FAM83B: variants seen among roughly 807,000 people sequenced by gnomAD.
FAM83B encodes the protein protein FAM83B.
Under a neutral mutation model 38.8 loss-of-function variants are expected in FAM83B, and 26 were observed. The observed-to-expected ratio is 0.67, with a 90% CI of 0.49 to 0.93. The LOEUF is 0.93. FAM83B is among the 40% of genes least tolerant of loss of function. The pLI is 0.00. For synonymous variants in FAM83B, 419 were observed against 423.1 expected (o/e 0.99, Z 0.12); for missense variants, 1,237 against 1,197.3 (o/e 1.03, Z -0.49).
At chr6:54,871,339 A>G (rs1159500505) in intron 2 of FAM83B, among the ~76,000 whole-genome samples, 1 of 151,974 alleles carries the variant, frequency 6.6e-6, no homozygotes, top group Non-Finnish European at 1.5e-5. Context: ...AACAAAAGTT[A>G]TTAAGAGTTT....
At chr6:54,907,097 T>C (rs1772791619) in intron 2 of FAM83B, among the ~76,000 whole-genome samples, 2 of 152,322 alleles carry the variant, frequency 1.3e-5, no homozygotes, top group South Asian at 4.1e-4. Context: ...ATACGTGCTA[T>C]GCATCCATTA....
chr6:54,852,716 C>A (rs1771333869), intron 1 of FAM83B, among the ~76,000 whole-genome samples: 2 of 152,114 alleles, frequency 1.3e-5, no homozygotes, highest in Non-Finnish European at 2.9e-5. Context: ...ATTGTGAAAG[C>A]AAAGGAAAAG....
At chr6:54,921,309 G>A (rs368385001) in intron 2 of FAM83B, among the ~76,000 whole-genome samples, 2 of 151,836 alleles carry the variant, frequency 1.3e-5, no homozygotes, top group South Asian at 2.1e-4. Context: ...CAATGCATAT[G>A]AACTTATCAA....
chr6:54,924,209 A>G (rs1561926528), intron 2 of FAM83B, among the ~76,000 whole-genome samples: 2 of 151,458 alleles, frequency 1.3e-5, no homozygotes, highest in East Asian at 3.9e-4. Context: ...ACACACACAC[A>G]CACACACGCA....
chr6:54,860,949 C>T (rs903008645), intron 1 of FAM83B, among the ~76,000 whole-genome samples: 1 of 152,192 alleles, frequency 6.6e-6, no homozygotes, highest in African/African-American at 2.4e-5. Flanking sequence ...CCCTGACCCT[C>T]TCCAGGACTT....
chr6:54,925,219 C>G (rs1209406323), intron 2 of FAM83B, among the ~76,000 whole-genome samples: 1 of 152,194 alleles, frequency 6.6e-6, no homozygotes, highest in Non-Finnish European at 1.5e-5. Flanking sequence ...AACCCCCAAA[C>G]TCCTCCTGAA....
chr6:54,866,436 A>G (rs906586199), intron 1 of FAM83B, among the ~76,000 whole-genome samples: 1 of 152,110 alleles, frequency 6.6e-6, no homozygotes, highest in Non-Finnish European at 1.5e-5. Flanking sequence ...TATTTCTATA[A>G]CTACAAAAAT....
chr6:54,937,924 G>T (rs1023404237), intron 4 of FAM83B, among the ~76,000 whole-genome samples: 6 of 151,738 alleles, frequency 4.0e-5, no homozygotes, highest in African/African-American at 1.5e-4. Context: ...GTTGGTTTTT[G>T]GTTGCATGGA....
chr6:54,863,793 T>C (rs1283453604), intron 1 of FAM83B, among the ~76,000 whole-genome samples: 2 of 152,224 alleles, frequency 1.3e-5, no homozygotes, highest in Non-Finnish European at 2.9e-5. Context: ...CTATTTTACA[T>C]ATCTGTTTTG....
At chr6:54,880,766 G>C (rs149882202) in intron 2 of FAM83B, among the ~76,000 whole-genome samples, 256 of 151,858 alleles carry the variant, frequency 1.7e-3, no homozygotes, top group Non-Finnish European at 3.0e-3. Flanking sequence ...TTATTATTAG[G>C]GTACATACAT....
At chr6:54,859,079 GAGAC>G (rs1269770726) in intron 1 of FAM83B, among the ~76,000 whole-genome samples, 1 of 148,472 alleles carries the variant, frequency 6.7e-6, no homozygotes, top group Non-Finnish European at 1.5e-5. Flanking sequence ...CCCCAGCACT[GAGAC>G]GGAGTCTCAC....
In FAM83B at chr6:54,940,623, C is replaced by G; in HGVS notation, c.1652C>G (p.Pro551Arg). Residue 551 changes from proline to arginine, a missense_variant, in exon 5 of 5, where the codon CCT becomes CGT. Pro to Arg is a moderately radical substitution (Grantham distance 103). Transcript: ENST00000306858. ...TCTTTAGTATTTAAACCCACTTTAC[C>G]TGAGCAAAAGGAAGTTAACAGTTGT... Reference protein sequence around the residue: ...RSSLVFKPTLPEQKEVNSCTT... With the variant: ...RSSLVFKPTLREQKEVNSCTT... The G allele has an allele frequency of 6.2e-7, 1 of 1,614,038 alleles. No homozygotes were observed. Among genetic ancestry groups the G allele is most frequent in the Non-Finnish European group, 8.5e-7 (1 of 1,180,014 alleles).
In FAM83B at chr6:54,939,823, T is replaced by A. The variant is rs1429444917; in HGVS notation, c.852T>A (p.Ser284Arg). 3.1e-6 allele frequency: 5 copies of A among 1,613,882 alleles called. No individual in the cohort carries two copies. The highest frequency in any genetic ancestry group is 4.2e-6 in the Non-Finnish European group (5 of 1,179,972). The change falls in exon 5 of 5, where the codon AGT becomes AGA. Residue 284 changes from serine to arginine, a missense_variant. Ser to Arg is a moderately radical substitution (Grantham distance 110). Coordinates refer to ENST00000306858, the MANE Select transcript of FAM83B (RefSeq NM_001010872.3). ...RTLYARSCVP[S>R]SFAQEESARV... is the part of the protein sequence containing the mutation. ...TCTATGCCAGATCCTGTGTCCCTAG[T>A]TCATTTGCTCAGGAAGAATCAGCAA... is the stretch of plus-strand genomic sequence containing the variant.
chr6:54,930,803 T>TA (rs562119927), intron 4 of FAM83B, among the ~76,000 whole-genome samples: 13 of 152,060 alleles, frequency 8.5e-5, no homozygotes, highest in African/African-American at 2.2e-4. Context: ...CTTTTAGCTT[T>TA]AAAAAAATGT....
At chr6:54,900,933 A>G in intron 2 of FAM83B, among the ~76,000 whole-genome samples, 1 of 152,222 alleles carries the variant, frequency 6.6e-6, no homozygotes. Flanking sequence ...CTCAACATTC[A>G]AACAACTCTA....
chr6:54,886,164 A>G (rs1049190045), intron 2 of FAM83B, among the ~76,000 whole-genome samples: 2 of 152,150 alleles, frequency 1.3e-5, no homozygotes, highest in Non-Finnish European at 2.9e-5. Flanking sequence ...TTTTATTTAT[A>G]TAAAGCTAGA....
intron 1 of FAM83B, among the ~76,000 whole-genome samples, chr6:54,858,332 G>A (rs1236061902): frequency 6.6e-6 from 1 of 152,132 alleles, no homozygotes; most frequent in Admixed American, 6.5e-5. Context: ...TCATCTTGTT[G>A]TAAGTTTTGC....
intron 1 of FAM83B, among the ~76,000 whole-genome samples, chr6:54,859,046 C>G (rs1325960179): frequency 2.0e-5 from 3 of 151,900 alleles, no homozygotes; most frequent in Admixed American, 6.6e-5. Flanking sequence ...ATTCCTCCCC[C>G]GACACCGTGC....
intron 4 of FAM83B, among the ~76,000 whole-genome samples, chr6:54,931,227 G>T (rs1294096792): frequency 6.6e-6 from 1 of 152,150 alleles, no homozygotes; most frequent in Non-Finnish European, 1.5e-5. Flanking sequence ...CTGTCTTGGA[G>T]AATGTACCAT....
Sources: gnomAD v4.1 joint callset for allele counts (sites outside exome capture counted in the v4.1 genomes callset) on GRCh38, gnomAD v4.1.1 for gene constraint, MANE v1.5 for transcripts, NCBI Gene and HGNC (gene_info 2026-07-23, HGNC 2026-07-21) for gene names.